OBI1: variants seen among roughly 807,000 people sequenced by gnomAD.
OBI1 encodes ORC ubiquitin ligase 1, also known as ring finger protein 219.
Under a neutral mutation model 62.4 loss-of-function variants are expected in OBI1, and 59 were observed. That is an observed-to-expected ratio of 0.95 (90% CI 0.77 to 1.17). The LOEUF is 1.17. OBI1 is among the 50% of genes most tolerant of loss of function. The pLI is 0.00. For synonymous variants in OBI1, 302 were observed against 292.8 expected (o/e 1.03, Z -0.32); for missense variants, 875 against 830.9 (o/e 1.05, Z -0.65).
chr13:78,635,641 G>T (rs1382383218), intron 4 of OBI1, among the ~76,000 whole-genome samples: 1 of 152,098 alleles, frequency 6.6e-6, no homozygotes, highest in East Asian at 1.9e-4. Context: ...TTTTTCTAGT[G>T]ATAACAAATC....
At chr13:78,649,211 T>C (rs1184209300) in intron 1 of OBI1, among the ~76,000 whole-genome samples, 1 of 151,836 alleles carries the variant, frequency 6.6e-6, no homozygotes, top group Non-Finnish European at 1.5e-5. Context: ...CTGGAGGAGA[T>C]CTCATGAATG....
chr13:78,635,742 A>G (rs1461519201), intron 4 of OBI1, among the ~76,000 whole-genome samples: 2 of 152,002 alleles, frequency 1.3e-5, no homozygotes. Context: ...AATTGGATCT[A>G]TCTATCTATC....
chr13:78,638,910 T>C lies in OBI1; in HGVS notation c.462A>G (p.Pro154=). The stretch of plus-strand genomic sequence containing the variant: ...TTTTCTTCCACTCTGCTACAGTTTC[T>C]GGGTTAATTTTACTTGGATTATCTG... ...LVTDNPSKIN[P]ETVAEWKKKL... The change falls in exon 4 of 6, where the codon CCA becomes CCG. Residue 154 remains proline (P), a synonymous_variant. Coordinates refer to ENST00000282003, the MANE Select transcript of OBI1 (RefSeq NM_024546.4). The C allele has an allele frequency of 3.1e-6, 5 of 1,614,018 alleles. No individual in the cohort carries two copies. Among genetic ancestry groups the C allele is most frequent in the Non-Finnish European group, 4.2e-6 (5 of 1,179,942 alleles).
In OBI1 at chr13:78,615,916, G is replaced by C. The variant is rs1010991381; in HGVS notation, c.1845C>G (p.Leu615=). Residue 615 remains leucine (L), a synonymous_variant, in exon 6 of 6, where the codon CTC becomes CTG. Transcript: ENST00000282003. ...SEWKPTSFFL[L]SPSDQEMNED... ...CATTCATTTCTTGGTCAGATGGAGAGAGGAGAAAAAAAGAAGTGGGTTTCC... is the reference window on the plus strand; with the variant it reads ...CATTCATTTCTTGGTCAGATGGAGACAGGAGAAAAAAAGAAGTGGGTTTCC... 1.2e-6 allele frequency: 2 copies of C among 1,613,584 alleles called. No homozygotes were observed. The highest frequency in any genetic ancestry group is 1.7e-6 in the Non-Finnish European group (2 of 1,179,840).
chr13:78,627,600 A>G (rs1398412325), intron 5 of OBI1, among the ~76,000 whole-genome samples: 1 of 152,216 alleles, frequency 6.6e-6, no homozygotes, highest in Non-Finnish European at 1.5e-5. Flanking sequence ...TCCAAAGGAC[A>G]TGATCTCATT....
chr13:78,650,758 A>T (rs1241196696), intron 1 of OBI1, among the ~76,000 whole-genome samples: 1 of 150,574 alleles, frequency 6.6e-6, no homozygotes, highest in Non-Finnish European at 1.5e-5. Flanking sequence ...AAAAAAAAAA[A>T]GGTAATATTA....
rs573036568 is a variant in OBI1 at position 78,616,499 on chromosome 13, T to G, written c.1262A>C (p.Asn421Thr). Residue 421 changes from asparagine to threonine, a missense_variant, in exon 6 of 6, where the codon AAC (asparagine) becomes ACC (threonine). Transcript: ENST00000282003. ...ATCAAACACCAATTTTCTGAGATGGTTTGAGTGCTTTTTGGAACCTCCTGC... is the reference window on the plus strand; with the variant it reads ...ATCAAACACCAATTTTCTGAGATGGGTTGAGTGCTTTTTGGAACCTCCTGC... ...VQAGGSKKHS[N>T]HLRKLVFDDF... The G allele has an allele frequency of 2.5e-6, 4 of 1,614,010 alleles. No homozygotes were observed. The highest frequency in any genetic ancestry group is 3.4e-6 in the Non-Finnish European group (4 of 1,180,034).
chr13:78,614,399 T>A lies in OBI1; in HGVS notation c.*1181A>T, dbSNP rs1044385. 55,416 of 152,384 alleles carry A rather than the reference T, an allele frequency of 0.36. 10,414 individuals are homozygous for A. The highest frequency in any genetic ancestry group is 0.37 in the African/African-American group (15,410 of 41,414). 9.4% of individuals were successfully genotyped at this position (152,384 alleles called of 1,614,324 possible). A position where few individuals can be genotyped will look rare whatever the true frequency, so the allele number is the denominator to read the frequency against. ...TTCAGTGCACATTAAACAGCATACA[T>A]ACCCATTTTTAAAGACCTATATAGG... On this transcript the variant is annotated 3_prime_UTR_variant, in exon 6 of 6. Coordinates refer to ENST00000282003, the MANE Select transcript of OBI1 (RefSeq NM_024546.4).
intron 5 of OBI1, 114 bp from the exon 6 acceptor site, chr13:78,617,236 A>G: frequency 1.3e-6 from 1 of 766,568 alleles, no homozygotes; most frequent in Non-Finnish European, 2.0e-6. Flanking sequence ...GACATTTCAG[A>G]CCACTCAATG....
chr13:78,640,533 T>A lies in OBI1; in HGVS notation c.301-1462A>T, dbSNP rs1306059167. Among the ~76,000 whole-genome samples the A allele has an allele frequency of 3.9e-5, 6 of 152,194 alleles. No homozygotes were observed. In the East Asian group the frequency reaches 1.2e-3, roughly 29 times the overall value. On this transcript the variant is annotated intron_variant, in intron 3 of 5. Coordinates refer to ENST00000282003, the MANE Select transcript of OBI1 (RefSeq NM_024546.4). ...TGACTGTACAGAGTTATCAAGATGA[T>A]CGTGCCTGTAATCCCAGCACTTCGG...
At chr13:78,645,064 T>C (rs1876341798) in intron 1 of OBI1, 67 bp from the exon 2 acceptor site, 2 of 1,464,850 alleles carry the variant, frequency 1.4e-6, no homozygotes, top group Non-Finnish European at 1.9e-6. Context: ...ATGGTTTAGT[T>C]TACAGCAAAC....
chr13:78,646,245 C>T (rs540387535), intron 1 of OBI1, among the ~76,000 whole-genome samples: 14 of 152,224 alleles, frequency 9.2e-5, no homozygotes, highest in Admixed American at 7.8e-4. Context: ...TTGTCTATCT[C>T]CCTTATCAGA....
At chr13:78,655,633 C>T (rs551049231) in intron 1 of OBI1, among the ~76,000 whole-genome samples, 3 of 152,260 alleles carry the variant, frequency 2.0e-5, no homozygotes, top group Admixed American at 2.0e-4. Context: ...TAATGCCCTG[C>T]CCTCATCTCT....
intron 5 of OBI1, chr13:78,617,350 G>T: frequency 2.5e-6 from 1 of 404,324 alleles, no homozygotes; most frequent in Non-Finnish European, 4.4e-6. Flanking sequence ...TATTTTTGTG[G>T]TTAAATCAGA....
In OBI1 at chr13:78,615,687, T is replaced by C. The variant is rs759419992; in HGVS notation, c.2074A>G (p.Thr692Ala). Residue 692 changes from threonine (T) to alanine (A), a missense_variant, in exon 6 of 6, where the codon ACT (threonine) becomes GCT (alanine). Physicochemically the swap from Thr to Ala is moderately conservative, Grantham distance 58 (BLOSUM62 0). Coordinates refer to ENST00000282003, the MANE Select transcript of OBI1 (RefSeq NM_024546.4). ...TTCCTCTTTTCAGGCACAAAGGAAGTAGACCAAGGAGACTGAAGGTGGTTA... is the reference window on the plus strand; with the variant it reads ...TTCCTCTTTTCAGGCACAAAGGAAGCAGACCAAGGAGACTGAAGGTGGTTA... ...LHNHLQSPWS[T>A]SFVPEKRNKN... 5 of 1,614,030 alleles carry C rather than the reference T, an allele frequency of 3.1e-6. No individual in the cohort carries two copies. Among genetic ancestry groups the C allele is most frequent in the East Asian group, 2.2e-5 (1 of 44,866 alleles).
intron 5 of OBI1, among the ~76,000 whole-genome samples, chr13:78,623,837 C>T (rs1297991896): frequency 2.0e-5 from 3 of 152,080 alleles, no homozygotes; most frequent in African/African-American, 4.8e-5. Context: ...TTTATCAAAC[C>T]ACCACCATAT....
intron 4 of OBI1, among the ~76,000 whole-genome samples, chr13:78,638,415 G>A (rs1205062306): frequency 6.6e-6 from 1 of 152,068 alleles, no homozygotes; most frequent in East Asian, 1.9e-4. Context: ...GAAAAGATAA[G>A]GTCAAAACTT....
At position 78,620,706 on chromosome 13, in the gene OBI1, C is replaced by T. The variant is rs1192469925; in HGVS notation, c.639-3584G>A. 15 of 455,276 alleles carry T rather than the reference C, an allele frequency of 3.3e-5. No individual in the cohort carries two copies. In the East Asian group the frequency reaches 1.0e-3, roughly 32 times the overall value. The allele number at this position is 455,276 out of a possible 1,614,324, so 28.2% of individuals were successfully genotyped here. On this transcript the variant is annotated intron_variant, in intron 5 of 5. Coordinates refer to ENST00000282003, the MANE Select transcript of OBI1 (RefSeq NM_024546.4). ...CCCTAGTAAAAGAGAAATGGAAGTC[C>T]TATTGGTATGACCTTTGAGGTGGTA...
rs368435990 is a variant in OBI1 at position 78,639,136 on chromosome 13, A to C, written c.301-65T>G. The C allele has an allele frequency of 4.3e-5, 63 of 1,476,118 alleles. No individual in the cohort carries two copies. In the East Asian group the frequency reaches 7.4e-4, roughly 17 times the overall value. The allele number at this position is 1,476,118 out of a possible 1,614,324, so 91.4% of individuals were successfully genotyped here. ...CTAAACACATACATACATATGCTAA[A>C]CTGAAGCCAACATGGTTTGAATTTT... is the stretch of plus-strand genomic sequence containing the variant. On this transcript the variant is annotated intron_variant, in intron 3 of 5. Coordinates refer to ENST00000282003, the MANE Select transcript of OBI1 (RefSeq NM_024546.4).
Sources: gnomAD v4.1 joint callset for allele counts (sites outside exome capture counted in the v4.1 genomes callset) on GRCh38, gnomAD v4.1.1 for gene constraint, MANE v1.5 for transcripts, NCBI Gene and HGNC (gene_info 2026-07-23, HGNC 2026-07-21) for gene names.